Variants in BLOC1S3 observed in about 807,000 individuals in gnomAD.
BLOC1S3 encodes biogenesis of lysosome-related organelles complex 1 subunit 3.
A neutral mutation model predicts 9.1 loss-of-function variants in BLOC1S3; 7 were observed. The ratio of observed to expected loss-of-function variants is 0.77; its 90% CI spans 0.44 to 1.45. BLOC1S3 has a LOEUF of 1.45. BLOC1S3 is among the 40% of genes most tolerant of loss of function. The pLI, the probability that BLOC1S3 is intolerant of heterozygous loss-of-function variation, is 0.01. For synonymous variants in BLOC1S3, 145 were observed against 158.4 expected (o/e 0.92, Z 0.64); for missense variants, 307 against 315.2 (o/e 0.97, Z 0.20).
chr19:45,179,705 C>A lies in BLOC1S3; in HGVS notation c.409C>A (p.Arg137Ser). The A allele has an allele frequency of 6.9e-7, 1 of 1,459,352 alleles. No homozygotes were observed. Among genetic ancestry groups the A allele is most frequent in the Non-Finnish European group, 9.0e-7 (1 of 1,112,456 alleles). The allele number at this position is 1,459,352 out of a possible 1,614,324, so 90.4% of individuals were successfully genotyped here. A position where few individuals can be genotyped will look rare whatever the true frequency, so the allele number is the denominator to read the frequency against. Residue 137 changes from arginine to serine, a missense_variant, in exon 2 of 2, where the codon CGC becomes AGC. Transcript: ENST00000433642. This position sits in a 1 kb window ranked among gnomAD's most constrained non-coding sequence, Gnocchi z 4.6. ...AVSGVYRRAG[R>S]DVAALASRLA... ...GAGCGGTGTCTACCGCCGTGCAGGC[C>A]GCGACGTGGCCGCCCTGGCTAGTAG...
Position 45,179,788 on chromosome 19 carries a change from CG to C in BLOC1S3, c.496del (p.Asp166ThrfsTer59). 1 of 1,579,738 alleles carries C rather than the reference CG, an allele frequency of 6.3e-7. No homozygotes were observed. On this transcript the variant is annotated frameshift_variant, in exon 2 of 2. Transcript: ENST00000433642. LOFTEE classifies it high-confidence loss of function. This position sits in a 1 kb window ranked among gnomAD's most constrained non-coding sequence, Gnocchi z 4.6. ...AAAHSVRLARGDLCALAERLD... is the reference protein window; with the variant it reads ...AAAHSVRLARXDLCALAERLD... ...CGGCCCACAGCGTGCGCCTGGCGCG[CG>C]GGGACCTTTGTGCGCTGGCCGAGCG...
intron 2 of BLOC1S3, among the ~76,000 whole-genome samples, chr19:45,194,694 C>T (rs1014105467): frequency 1.3e-5 from 2 of 152,086 alleles, no homozygotes; most frequent in African/African-American, 4.8e-5. Flanking sequence ...CATAATGTTC[C>T]ACCAACAAAG....
intron 2 of BLOC1S3, among the ~76,000 whole-genome samples, chr19:45,198,402 C>T (rs1433669331): frequency 6.6e-6 from 1 of 151,698 alleles, no homozygotes; most frequent in Non-Finnish European, 1.5e-5. Flanking sequence ...AGCAATTCTC[C>T]TGCCTCAGCC....
Position 45,179,181 on chromosome 19 carries a change from AC to A in BLOC1S3, c.-9-105del. ...GAGGCCCAGACGGGGAGCAGCTGAC[AC>A]CAAGTCGTTAAGAGAATCAGCGAAG... On this transcript the variant is annotated intron_variant, in intron 1 of 1. Coordinates refer to ENST00000433642, the MANE Select transcript of BLOC1S3 (RefSeq NM_212550.5). The surrounding 1 kb of genome is among the most constrained non-coding windows in gnomAD (Gnocchi z 4.6). 7.8e-7 allele frequency: 1 copy of A among 1,282,220 alleles called. No individual in the cohort carries two copies. Among genetic ancestry groups the A allele is most frequent in the South Asian group, 1.8e-5 (1 of 57,116 alleles). The allele number at this position is 1,282,220 out of a possible 1,614,324, so 79.4% of individuals were successfully genotyped here.
chr19:45,196,529 T>C (rs1293777850), intron 2 of BLOC1S3, among the ~76,000 whole-genome samples: 1 of 151,934 alleles, frequency 6.6e-6, no homozygotes, highest in Admixed American at 6.6e-5. Context: ...CCTGAGGGAA[T>C]TTAGGGAGAT....
chr19:45,201,842 A>G (rs1969693047), intron 2 of BLOC1S3, among the ~76,000 whole-genome samples: 1 of 152,088 alleles, frequency 6.6e-6, no homozygotes, highest in African/African-American at 2.4e-5. Flanking sequence ...TTCTTGTGGT[A>G]TTGAATAAGT....
intron 2 of BLOC1S3, among the ~76,000 whole-genome samples, chr19:45,194,463 G>A (rs967421848): frequency 2.0e-5 from 3 of 152,016 alleles, no homozygotes; most frequent in South Asian, 2.1e-4. Flanking sequence ...TAATACACCC[G>A]CGATCGTTCC....
rs61583899 is a variant in BLOC1S3 at position 45,188,549 on chromosome 19, AATTATTATTATTATTATTATT to A, written n.180+828_180+848del. On this transcript the variant is annotated intron_variant and non_coding_transcript_variant, in intron 2 of 3. Coordinates refer to the BLOC1S3 transcript ENST00000591569. ...ATAGTAGATCTTATTCATTCTTTCT[AATTATTATTATTATTATTATT>A]ATTATTATTATTATTATTTGAGACA... Among the ~76,000 whole-genome samples, 5 of 143,330 alleles carry A rather than the reference AATTATTATTATTATTATTATT, an allele frequency of 3.5e-5. 1 individual carries two copies. The highest frequency in any genetic ancestry group is 1.3e-4 in the African/African-American group (5 of 38,424). The allele number at this position is 143,330 out of a possible 152,430, so 94.0% of individuals were successfully genotyped here.
At chr19:45,182,290 G>T (rs1197605268), downstream of BLOC1S3, among the ~76,000 whole-genome samples, 1 of 152,056 alleles carries the variant, frequency 6.6e-6, no homozygotes, top group Non-Finnish European at 1.5e-5. Context: ...CATGAGAATC[G>T]CTTGAACCCT....
In BLOC1S3 at chr19:45,195,809, G is replaced by A. The variant is rs188712531; in HGVS notation, n.181-6597G>A. Among the ~76,000 whole-genome samples, 116 of 152,274 alleles carry A rather than the reference G, an allele frequency of 7.6e-4. 1 individual carries two copies. Among genetic ancestry groups the A allele is most frequent in the Middle Eastern group, 3.4e-3 (1 of 294 alleles). On this transcript the variant is annotated intron_variant and non_coding_transcript_variant, in intron 2 of 3. Transcript: ENST00000591569. Reference sequence around the variant, plus strand: ...AAGGTTTCACCATGTTGGCCAGGCTGGTCTCGACCTCCCAACTTCAGGTGA... The same window carrying A: ...AAGGTTTCACCATGTTGGCCAGGCTAGTCTCGACCTCCCAACTTCAGGTGA...
chr19:45,207,539 G>T (rs1969736144), intron 3 of BLOC1S3, among the ~76,000 whole-genome samples: 1 of 125,710 alleles, frequency 8.0e-6, no homozygotes, highest in African/African-American at 3.0e-5. Context: ...GTGGGTGACA[G>T]AGCGAGACTC....
intron 2 of BLOC1S3, among the ~76,000 whole-genome samples, chr19:45,192,861 T>C (rs11669018): frequency 0.44 from 66,731 of 151,478 alleles, 14,778 homozygotes; most frequent in Admixed American, 0.47. Context: ...AAGCCAGGCG[T>C]GGTGGCTCAC....
At chr19:45,208,575 T>C (rs1261469670) in intron 3 of BLOC1S3, among the ~76,000 whole-genome samples, 1 of 151,582 alleles carries the variant, frequency 6.6e-6, no homozygotes, top group Non-Finnish European at 1.5e-5. Flanking sequence ...ACCAACAGGG[T>C]GAAACACCAT....
chr19:45,201,453 G>C (rs1969690050), intron 2 of BLOC1S3, among the ~76,000 whole-genome samples: 1 of 152,100 alleles, frequency 6.6e-6, no homozygotes, highest in African/African-American at 2.4e-5. Context: ...TCTCACCCAG[G>C]GCCCGTGGCA....
At chr19:45,183,852 G>A (rs918210607), downstream of BLOC1S3, among the ~76,000 whole-genome samples, 2 of 151,822 alleles carry the variant, frequency 1.3e-5, no homozygotes, top group Non-Finnish European at 2.9e-5. Flanking sequence ...GGCCAGGCTG[G>A]TCTCAAACTC....
At position 45,200,639 on chromosome 19, in the gene BLOC1S3, A is replaced by G. The variant is rs145089045; in HGVS notation, n.181-1767A>G. Among the ~76,000 whole-genome samples, 8 of 152,240 alleles carry G rather than the reference A, an allele frequency of 5.3e-5. No homozygotes were observed. The East Asian group carries it at 1.5e-3, about 29-fold the overall frequency. On this transcript the variant is annotated intron_variant and non_coding_transcript_variant, in intron 2 of 3. Transcript: ENST00000591569. ...TGAAAGGTCACATAGCTCTGTCACA[A>G]TGGGGTTGGTCACTGGAGCCTTGTT...
intron 2 of BLOC1S3, among the ~76,000 whole-genome samples, chr19:45,196,800 C>T (rs1337438417): frequency 6.6e-6 from 1 of 151,626 alleles, no homozygotes; most frequent in Admixed American, 6.6e-5. Flanking sequence ...ACGTGGGAGG[C>T]TGAGGCAGGA....
At chr19:45,209,623 G>A (rs1312673799) in intron 3 of BLOC1S3, among the ~76,000 whole-genome samples, 1 of 151,798 alleles carries the variant, frequency 6.6e-6, no homozygotes, top group Admixed American at 6.6e-5. Flanking sequence ...AGGTTTCACC[G>A]TGTTAGCCAG....
rs114229641 is a variant in BLOC1S3 at position 45,204,542 on chromosome 19, G to T, written n.282+2035G>T. ...TTTCTCAACTAGTTGCATTCAGATGGCAGCTGGGGCTGGAGTCATCCAAAG... is the reference window on the plus strand; with the variant it reads ...TTTCTCAACTAGTTGCATTCAGATGTCAGCTGGGGCTGGAGTCATCCAAAG... On this transcript the variant is annotated intron_variant and non_coding_transcript_variant, in intron 3 of 3. Transcript: ENST00000591569. 5.0e-3 allele frequency among the ~76,000 whole-genome samples: 763 copies of T among 152,050 alleles called. 6 individuals carry two copies. Among genetic ancestry groups the T allele is most frequent in the African/African-American group, 0.017 (717 of 41,484 alleles).
Sources: gnomAD v4.1 joint callset for allele counts (sites outside exome capture counted in the v4.1 genomes callset) on GRCh38, gnomAD v4.1.1 for gene constraint, Gnocchi (gnomAD v3.1) non-coding constraint, MANE v1.5 for transcripts, NCBI Gene and HGNC (gene_info 2026-07-23, HGNC 2026-07-21) for gene names.